The following FCRL1 variants were observed in gnomAD, a reference collection of about 807,000 sequenced individuals.
FCRL1 encodes Fc receptor like 1.
A neutral mutation model predicts 49.2 loss-of-function variants in FCRL1; 34 were observed. The ratio of observed to expected loss-of-function variants is 0.69; its 90% CI spans 0.53 to 0.92. FCRL1 has a LOEUF of 0.92. Ranked by LOEUF, FCRL1 falls within the 40% of genes least tolerant of loss-of-function variation. The probability of loss-of-function intolerance (pLI) is 0.00; values close to 1 mark genes in which losing one functional copy is unlikely to be tolerated. For missense variants in FCRL1, 524 were observed against 524.1 expected, an observed-to-expected ratio of 1.00 and a Z score of 0.00; for synonymous variants, 218 against 201.6, an observed-to-expected ratio of 1.08 and a Z score of -0.69.
rs373413533 is a variant in FCRL1, at chr1:157,803,888, C to G, written c.276G>C (p.Ala92=). ...GSYWCEAQTM[A]SKVLRSRRSQ... ...ATCTCCTGCTCCTCAAGACTTTGGA[C>G]GCCATTGTCTGTGCCTCGCACCAGT... Residue 92 remains alanine (A), a synonymous_variant, in exon 3 of 11, where the codon GCG becomes GCC. Transcript: ENST00000368176. 4 of 1,614,208 alleles carry G rather than the reference C, an allele frequency of 2.5e-6. No individual in the cohort carries two copies. Among genetic ancestry groups the G allele is most frequent in the East Asian group, 2.2e-5 (1 of 44,878 alleles).
In FCRL1 at chr1:157,804,032, C is replaced by T. The variant is rs749454323; in HGVS notation, c.132G>A (p.Gln44=). 1.9e-6 allele frequency: 3 copies of T among 1,614,206 alleles called. No individual in the cohort carries two copies. The highest frequency in any genetic ancestry group is 2.5e-6 in the Non-Finnish European group (3 of 1,180,036). The change falls in exon 3 of 11, where the codon CAG becomes CAA. Residue 44 remains glutamine (Q), a synonymous_variant. Coordinates refer to ENST00000368176, the MANE Select transcript of FCRL1 (RefSeq NM_052938.5). The part of the protein sequence containing the change: ...VTLTCKMPFL[Q]SSDAQFQFCF... ...AGAACTGGAACTGGGCATCTGAACT[C>T]TGTAGAAAGGGCATCTTACACGTCA...
intron 10 of FCRL1, 76 bp from the exon 11 acceptor site, chr1:157,796,246 T>C: frequency 1.7e-6 from 2 of 1,196,182 alleles, no homozygotes; most frequent in Non-Finnish European, 2.5e-6. Flanking sequence ...CCCAGTTAGC[T>C]TGGATGCATC....
chr1:157,812,448 T>C (rs562544653), intron 1 of FCRL1, among the ~76,000 whole-genome samples: 7 of 152,300 alleles, frequency 4.6e-5, no homozygotes, highest in African/African-American at 1.4e-4. Flanking sequence ...CACTCTCTCC[T>C]GGTGCCTAAG....
At chr1:157,818,596 A>T (rs1185612534) in intron 1 of FCRL1, among the ~76,000 whole-genome samples, 1 of 152,026 alleles carries the variant, frequency 6.6e-6, no homozygotes, top group Non-Finnish European at 1.5e-5. Flanking sequence ...AAATATAGAG[A>T]GACAGAAAGT....
chr1:157,797,356 G>C (rs1228129999), intron 9 of FCRL1, among the ~76,000 whole-genome samples: 2 of 152,180 alleles, frequency 1.3e-5, no homozygotes, highest in East Asian at 3.9e-4. Context: ...TCTATGCCAG[G>C]AGGGGCCTTT....
intron 9 of FCRL1, chr1:157,797,545 A>T: frequency 1.7e-6 from 1 of 605,502 alleles, no homozygotes; most frequent in Non-Finnish European, 2.9e-6. Flanking sequence ...CCATACAATG[A>T]CACCTTATTG....
rs1354983833 is a variant in FCRL1 at position 157,803,832 on chromosome 1, C to A, written c.319+13G>T. ...TCAGCCTATCCTGGCAGACTGACCC[C>A]ACTGACACTCACTGTGCACATTTAT... is the stretch of plus-strand genomic sequence containing the variant. On this transcript the variant is annotated intron_variant, in intron 3 of 10. Coordinates refer to ENST00000368176, the MANE Select transcript of FCRL1 (RefSeq NM_052938.5). 2 of 1,611,196 alleles carry A rather than the reference C, an allele frequency of 1.2e-6. No individual in the cohort carries two copies. Among genetic ancestry groups the A allele is most frequent in the Non-Finnish European group, 1.7e-6 (2 of 1,177,960 alleles).
intron 8 of FCRL1, 62 bp from the exon 9 acceptor site, chr1:157,798,001 C>T: frequency 6.4e-7 from 1 of 1,561,578 alleles, no homozygotes; most frequent in Non-Finnish European, 8.8e-7. Context: ...CAAATTACTC[C>T]ATACCTTCCA....
At chr1:157,803,166 G>T (rs115365190) in intron 3 of FCRL1, among the ~76,000 whole-genome samples, 2 of 152,300 alleles carry the variant, frequency 1.3e-5, no homozygotes, top group African/African-American at 4.8e-5. Flanking sequence ...GATAGGGACT[G>T]CCATGTATAA....
intron 1 of FCRL1, 83 bp downstream of exon 1, chr1:157,819,924 C>T: frequency 6.5e-7 from 1 of 1,528,632 alleles, no homozygotes. Flanking sequence ...GAACCTTAGT[C>T]CTAAGAAGTC....
chr1:157,807,219 C>A, intron 1 of FCRL1, 97 bp from the exon 2 acceptor site: 2 of 1,301,834 alleles, frequency 1.5e-6, no homozygotes, highest in Non-Finnish European at 1.1e-6. Context: ...CCACACCCTC[C>A]ATCCCCTGGA....
rs759665135 is a variant in FCRL1 at position 157,801,942 on chromosome 1, T to A, written c.859A>T (p.Ser287Cys). The A allele has an allele frequency of 6.2e-7, 1 of 1,614,056 alleles. No homozygotes were observed. The highest frequency in any genetic ancestry group is 2.2e-5 in the East Asian group (1 of 44,886). Residue 287 changes from serine to cysteine, a missense_variant, in exon 5 of 11, where the codon AGT (serine) becomes TGT (cysteine). Physicochemically the swap from Ser to Cys is moderately radical, Grantham distance 112. Coordinates refer to ENST00000368176, the MANE Select transcript of FCRL1 (RefSeq NM_052938.5). ...EANNGLGAQR[S>C]EAVTLNFTVP... The stretch of plus-strand genomic sequence containing the variant: ...GTGAAGTTGAGTGTCACCGCCTCAC[T>A]GCGCTGGGCCCCCAGGCCATTGTTG...
rs1571353768 is a variant in FCRL1, at chr1:157,801,968, G to C, written c.833C>G (p.Ala278Gly). ...GCGCTGGGCCCCCAGGCCATTGTTGGCCTCACAGGAGTAGTTTCCAGAATG... is the reference window on the plus strand; with the variant it reads ...GCGCTGGGCCCCCAGGCCATTGTTGCCCTCACAGGAGTAGTTTCCAGAATG... Reference protein sequence around the residue: ...EEHSGNYSCEANNGLGAQRSE... With the variant: ...EEHSGNYSCEGNNGLGAQRSE... The change falls in exon 5 of 11, where the codon GCC (alanine) becomes GGC (glycine). Residue 278 changes from alanine (A) to glycine (G), a missense_variant. Coordinates refer to ENST00000368176, the MANE Select transcript of FCRL1 (RefSeq NM_052938.5). The C allele has an allele frequency of 6.2e-7, 1 of 1,614,248 alleles. No homozygotes were observed.
intron 1 of FCRL1, among the ~76,000 whole-genome samples, chr1:157,810,385 C>T (rs1008316016): frequency 1.3e-5 from 2 of 151,838 alleles, no homozygotes; most frequent in Non-Finnish European, 2.9e-5. Flanking sequence ...CAACCTCTAC[C>T]TCACAAGTTC....
intron 2 of FCRL1, chr1:157,806,838 G>A (rs1180525943): frequency 3.0e-5 from 11 of 370,928 alleles, no homozygotes; most frequent in South Asian, 1.5e-4. Flanking sequence ...GGGACTTCCC[G>A]GAAGTAAGAC....
intron 9 of FCRL1, 74 bp downstream of exon 9, chr1:157,797,794 G>A (rs764258508): frequency 1.9e-6 from 3 of 1,611,678 alleles, no homozygotes; most frequent in Admixed American, 3.4e-5. Context: ...TGTCTGCCAT[G>A]CACAGCCACT....
intron 7 of FCRL1, among the ~76,000 whole-genome samples, chr1:157,798,720 A>C (rs917552688): frequency 6.6e-6 from 1 of 152,172 alleles, no homozygotes; most frequent in Non-Finnish European, 1.5e-5. Context: ...TAAAAAGACA[A>C]CTAAACATTG....
At chr1:157,816,784 AATAGATAGATAGATAG>A (rs3033729) in intron 1 of FCRL1, among the ~76,000 whole-genome samples, 7 of 147,362 alleles carry the variant, frequency 4.8e-5, no homozygotes, top group African/African-American at 1.7e-4. Context: ...GTTGCTGGAT[AATAGATAGATAGATAG>A]ATAGATAGAT....
chr1:157,796,306 G>C (rs1651463094), intron 10 of FCRL1, 136 bp from the exon 11 acceptor site: 1 of 703,032 alleles, frequency 1.4e-6, no homozygotes, highest in East Asian at 2.7e-5. Flanking sequence ...TTGGAAAACT[G>C]TGGTCCAAGG....
Sources: gnomAD v4.1 joint callset for allele counts (sites outside exome capture counted in the v4.1 genomes callset) on GRCh38, gnomAD v4.1.1 for gene constraint, MANE v1.5 for transcripts, NCBI Gene and HGNC (gene_info 2026-07-23, HGNC 2026-07-21) for gene names.